Variants in PCDH15 observed in about 807,000 individuals in gnomAD.
The protein encoded by PCDH15 is protocadherin-15.
PCDH15 carries 129 observed loss-of-function variants against 178.5 expected under a neutral mutation model. That is an observed-to-expected ratio of 0.72 (90% CI 0.63 to 0.84). The LOEUF (loss-of-function observed/expected upper bound fraction) is 0.84. Among genes scored for constraint, PCDH15 ranks in the 40% least tolerant of loss-of-function variants. The pLI is 0.00. For missense variants in PCDH15, 2,230 were observed against 2,099.9 expected, an observed-to-expected ratio of 1.06 and a Z score of -1.21; for synonymous variants, 800 against 732.0, an observed-to-expected ratio of 1.09 and a Z score of -1.50.
At chr10:54,423,609 A>G (rs1589332780) in intron 3 of PCDH15, among the ~76,000 whole-genome samples, 1 of 151,870 alleles carries the variant, frequency 6.6e-6, no homozygotes, top group Admixed American at 6.6e-5. Context: ...AAAGTGCTCA[A>G]TAAGGTCATA....
At chr10:55,400,884 T>A (rs1838045460) in intron 2 of PCDH15, among the ~76,000 whole-genome samples, 1 of 152,076 alleles carries the variant, frequency 6.6e-6, no homozygotes, top group African/African-American at 2.4e-5. Flanking sequence ...CACTCTAAAA[T>A]CCAGATATTG....
chr10:53,926,924 G>A (rs766327900), intron 25 of PCDH15, among the ~76,000 whole-genome samples: 1 of 151,750 alleles, frequency 6.6e-6, no homozygotes, highest in African/African-American at 2.4e-5. Context: ...TTGTGGATAC[G>A]TATCCCCTTA....
At chr10:54,864,212 T>G (rs890367949) in intron 3 of PCDH15, among the ~76,000 whole-genome samples, 18 of 152,140 alleles carry the variant, frequency 1.2e-4, no homozygotes, top group Admixed American at 1.1e-3. Flanking sequence ...AAGCCTGATA[T>G]TCCACAGAAT....
intron 2 of PCDH15, among the ~76,000 whole-genome samples, chr10:55,332,668 T>A (rs890441310): frequency 6.6e-6 from 1 of 152,176 alleles, no homozygotes; most frequent in East Asian, 1.9e-4. Flanking sequence ...CAGTGGGAGA[T>A]AATTGAATCA....
At chr10:54,922,056 C>T (rs1034581293) in intron 2 of PCDH15, among the ~76,000 whole-genome samples, 7 of 152,272 alleles carry the variant, frequency 4.6e-5, no homozygotes, top group South Asian at 2.1e-4. Flanking sequence ...CAGCAGGCTC[C>T]GCCTCCAACA....
intron 4 of PCDH15, among the ~76,000 whole-genome samples, chr10:54,376,780 C>T (rs959310679): frequency 5.3e-5 from 8 of 151,836 alleles, no homozygotes; most frequent in African/African-American, 1.4e-4. Flanking sequence ...GACAATATAT[C>T]GAGAGGACCA....
intron 1 of PCDH15, among the ~76,000 whole-genome samples, chr10:54,792,250 T>C (rs1183846431): frequency 6.6e-6 from 1 of 151,890 alleles, no homozygotes; most frequent in Non-Finnish European, 1.5e-5. Context: ...TCCAGCCAAA[T>C]ACCAAGGACA....
intron 27 of PCDH15, among the ~76,000 whole-genome samples, chr10:53,858,235 T>C (rs753141587): frequency 6.6e-6 from 1 of 152,142 alleles, no homozygotes. Flanking sequence ...TTTAGCACCG[T>C]ATCTCAATAC....
chr10:54,521,293 A>AT (rs770254653), intron 3 of PCDH15, among the ~76,000 whole-genome samples: 7 of 152,130 alleles, frequency 4.6e-5, no homozygotes, highest in Non-Finnish European at 8.8e-5. Flanking sequence ...TGTCAATAAG[A>AT]TCCCTCATAT....
intron 2 of PCDH15, among the ~76,000 whole-genome samples, chr10:55,620,804 T>C (rs1234614525): frequency 6.6e-6 from 1 of 151,428 alleles, no homozygotes; most frequent in Non-Finnish European, 1.5e-5. Flanking sequence ...TTTTAAGAAC[T>C]CAATGCTCCT....
At chr10:55,100,573 G>A (rs984107577) in intron 2 of PCDH15, among the ~76,000 whole-genome samples, 1 of 152,142 alleles carries the variant, frequency 6.6e-6, no homozygotes, top group African/African-American at 2.4e-5. Flanking sequence ...ATGTTGGAAG[G>A]GGAAGGGGAG....
chr10:55,578,891 C>G (rs192871005), intron 2 of PCDH15, among the ~76,000 whole-genome samples: 12 of 152,216 alleles, frequency 7.9e-5, no homozygotes, highest in East Asian at 3.9e-4. Context: ...GATCCACCCC[C>G]CTATGATTCA....
chr10:54,003,736 C>CA (rs55871741), intron 20 of PCDH15, among the ~76,000 whole-genome samples: 3,288 of 75,954 alleles, frequency 0.043, 83 homozygotes, highest in East Asian at 0.14. Context: ...CAAACTATTC[C>CA]AAAAAAAAAA....
chr10:54,617,847 C>A (rs949536186), intron 2 of PCDH15, among the ~76,000 whole-genome samples: 1 of 149,916 alleles, frequency 6.7e-6, no homozygotes, highest in Non-Finnish European at 1.5e-5. Flanking sequence ...ATTTCTTGAA[C>A]CCGGGAGGCA....
intron 1 of PCDH15, among the ~76,000 whole-genome samples, chr10:55,273,090 GA>G (rs1842488842): frequency 6.6e-6 from 1 of 152,036 alleles, no homozygotes; most frequent in African/African-American, 2.4e-5. Context: ...AAAGTTGAAT[GA>G]AAAACTGTGA....
intron 1 of PCDH15, among the ~76,000 whole-genome samples, chr10:55,169,505 T>C (rs539599079): frequency 1.1e-4 from 17 of 152,310 alleles, no homozygotes; most frequent in African/African-American, 3.6e-4. Flanking sequence ...TGTGATCTAA[T>C]TGAACACCAT....
chr10:54,809,971 A>T (rs1041258090), intron 3 of PCDH15, among the ~76,000 whole-genome samples: 2 of 152,128 alleles, frequency 1.3e-5, no homozygotes, highest in African/African-American at 4.8e-5. Context: ...GGGGGAAACA[A>T]CTTAAACATT....
At chr10:55,237,177 T>C (rs901039280) in intron 1 of PCDH15, among the ~76,000 whole-genome samples, 15 of 152,236 alleles carry the variant, frequency 9.9e-5, no homozygotes, top group African/African-American at 3.4e-4. Context: ...ATTTTTTAGA[T>C]AGACTTTGAG....
At chr10:54,727,401 A>T (rs2132598438) in intron 1 of PCDH15, among the ~76,000 whole-genome samples, 1 of 151,734 alleles carries the variant, frequency 6.6e-6, no homozygotes, top group East Asian at 1.9e-4. Flanking sequence ...ATTTGAAACT[A>T]ATGAAACAAA....
Sources: gnomAD v4.1 joint callset for allele counts (sites outside exome capture counted in the v4.1 genomes callset) on GRCh38, gnomAD v4.1.1 for gene constraint, MANE v1.5 for transcripts, NCBI Gene and HGNC (gene_info 2026-07-23, HGNC 2026-07-21) for gene names.